Variants in GATB observed in about 807,000 individuals in gnomAD.
GATB encodes the protein glutamyl-tRNA amidotransferase subunit B.
Under a neutral mutation model 62.3 loss-of-function variants are expected in GATB, and 39 were observed. The ratio of observed to expected loss-of-function variants is 0.63; its 90% CI spans 0.48 to 0.82. GATB has a LOEUF of 0.82. Ranked by LOEUF, GATB falls within the 40% of genes least tolerant of loss-of-function variation. GATB has a pLI of 0.00. For synonymous variants in GATB, 276 were observed against 258.9 expected (o/e 1.07, Z -0.63); for missense variants, 670 against 684.0 (o/e 0.98, Z 0.23).
rs1560870186 is a variant in GATB at position 151,760,861 on chromosome 4, C to T, written c.122G>A (p.Gly41Glu). 6.2e-7 allele frequency: 1 copy of T among 1,613,980 alleles called. No individual in the cohort carries two copies. Among genetic ancestry groups the T allele is most frequent in the Non-Finnish European group, 8.5e-7 (1 of 1,179,940 alleles). Reference sequence around the variant, plus strand: ...GGGCTGCTGAGCCACTGAGCTCTCTCCCCTAATCTGGTTGGATGTGGACCC... The same window carrying T: ...GGGCTGCTGAGCCACTGAGCTCTCTTCCCTAATCTGGTTGGATGTGGACCC... The part of the protein sequence containing the change: ...PTGSTSNQIR[G>E]ESSVAQQPLH... Residue 41 changes from glycine (G) to glutamate (E), a missense_variant, in exon 1 of 13, where the codon GGA (glycine) becomes GAA (glutamate). Transcript: ENST00000263985.
rs906239354 is a variant in GATB at position 151,731,744 on chromosome 4, A to C, written c.328-12206T>G. Among the ~76,000 whole-genome samples, 17 of 149,620 alleles carry C rather than the reference A, an allele frequency of 1.1e-4. 1 individual carries two copies. The highest frequency in any genetic ancestry group is 4.2e-4 in the African/African-American group (17 of 40,022). ...GCCCCGCTGCCCCGTCTGGGATGTG[A>C]GGAGCGTCTCTGCCCGGCTGTGACC... On this transcript the variant is annotated intron_variant, in intron 2 of 12. Coordinates refer to ENST00000263985, the MANE Select transcript of GATB (RefSeq NM_004564.3).
Position 151,715,917 on chromosome 4 carries a change from A to C in GATB, c.763+92T>G, listed in dbSNP as rs1203101667. 2.1e-6 allele frequency: 3 copies of C among 1,433,332 alleles called. No individual in the cohort carries two copies. The African/African-American group carries it at 4.3e-5, about 21-fold the overall frequency. The allele number at this position is 1,433,332 out of a possible 1,614,324, so 88.8% of individuals were successfully genotyped here. On this transcript the variant is annotated intron_variant, in intron 5 of 12. Transcript: ENST00000263985. Reference sequence around the variant, plus strand: ...GAAAAAATGGCTGCAAACAACCTCAATATAATAGACAGAAAATAAAACTAA... The same window carrying C: ...GAAAAAATGGCTGCAAACAACCTCACTATAATAGACAGAAAATAAAACTAA...
intron 2 of GATB, among the ~76,000 whole-genome samples, chr4:151,731,344 T>C (rs779661354): frequency 1.6e-4 from 24 of 152,240 alleles, no homozygotes; most frequent in Non-Finnish European, 2.2e-4. Context: ...CTCCAGCTCC[T>C]AATCACAAGT....
chr4:151,708,494 T>A (rs1350984966), intron 5 of GATB, among the ~76,000 whole-genome samples: 1 of 152,206 alleles, frequency 6.6e-6, no homozygotes, highest in Admixed American at 6.5e-5. Flanking sequence ...GTGTCAGAGC[T>A]GAGTTGGAGG....
chr4:151,718,823 T>A (rs1179923492), intron 3 of GATB, among the ~76,000 whole-genome samples: 1 of 152,184 alleles, frequency 6.6e-6, no homozygotes, highest in Non-Finnish European at 1.5e-5. Flanking sequence ...TGGTGTGGCT[T>A]AAAGAAAAAA....
chr4:151,702,697 A>G (rs923513524), intron 8 of GATB, among the ~76,000 whole-genome samples: 1 of 152,180 alleles, frequency 6.6e-6, no homozygotes, highest in Non-Finnish European at 1.5e-5. Flanking sequence ...TAAGTGTCAA[A>G]GCTGCACCAT....
chr4:151,717,550 A>T (rs1055167235), intron 3 of GATB, among the ~76,000 whole-genome samples: 13 of 152,120 alleles, frequency 8.5e-5, no homozygotes, highest in African/African-American at 3.1e-4. Flanking sequence ...GTGTGTGTTT[A>T]AGCTTGTTTT....
intron 2 of GATB, among the ~76,000 whole-genome samples, chr4:151,749,545 T>C (rs1453618893): frequency 6.6e-6 from 1 of 151,824 alleles, no homozygotes; most frequent in African/African-American, 2.4e-5. Flanking sequence ...CATTAGGAGA[T>C]GTACCTAATG....
chr4:151,754,019 C>T (rs1432051378), intron 2 of GATB, among the ~76,000 whole-genome samples: 1 of 152,184 alleles, frequency 6.6e-6, no homozygotes, highest in Non-Finnish European at 1.5e-5. Context: ...ATCCAATGGG[C>T]ACTTCCTAGT....
In GATB at chr4:151,754,632, T is replaced by C. The variant is rs138409208; in HGVS notation, c.327+4140A>G. Among the ~76,000 whole-genome samples, 70 of 152,290 alleles carry C rather than the reference T, an allele frequency of 4.6e-4. 1 individual carries two copies. The highest frequency in any genetic ancestry group is 1.5e-3 in the African/African-American group (64 of 41,554). ...ACAGAAAGACTATACATTATAACAA[T>C]TGTTTTAAGTGACAATCCTAATTTT... On this transcript the variant is annotated intron_variant, in intron 2 of 12. Coordinates refer to ENST00000263985, the MANE Select transcript of GATB (RefSeq NM_004564.3).
At chr4:151,700,113 A>G (rs1366157395) in intron 9 of GATB, among the ~76,000 whole-genome samples, 5 of 152,208 alleles carry the variant, frequency 3.3e-5, no homozygotes, top group African/African-American at 1.2e-4. Flanking sequence ...ACCTAGGAAA[A>G]ATACATGAAT....
intron 2 of GATB, among the ~76,000 whole-genome samples, chr4:151,749,058 G>A (rs1191535117): frequency 2.0e-5 from 3 of 152,190 alleles, no homozygotes; most frequent in African/African-American, 4.8e-5. Context: ...TACACTGTTG[G>A]TAGGACTGTA....
intron 2 of GATB, among the ~76,000 whole-genome samples, chr4:151,728,189 A>T (rs1393227426): frequency 6.6e-6 from 1 of 152,208 alleles, no homozygotes; most frequent in Non-Finnish European, 1.5e-5. Context: ...GGCCAAAAAA[A>T]GCTCCCATGT....
At chr4:151,732,541 C>A (rs865791329) in intron 2 of GATB, among the ~76,000 whole-genome samples, 21 of 152,006 alleles carry the variant, frequency 1.4e-4, no homozygotes, top group Middle Eastern at 3.4e-3. Context: ...AGAGTCATCA[C>A]CACTCCCTAA....
intron 2 of GATB, chr4:151,721,124 G>C (rs1188496422): frequency 6.6e-6 from 1 of 152,320 alleles, no homozygotes; most frequent in Admixed American, 6.5e-5. Context: ...TGTAGTCCCA[G>C]TTACTTGGGA....
At chr4:151,703,381 T>G (rs1295542981) in intron 8 of GATB, 1 of 159,888 alleles carries the variant, frequency 6.3e-6, no homozygotes, top group Non-Finnish European at 1.4e-5. Flanking sequence ...GGGTCTCATA[T>G]TAAGTAGTTC....
At chr4:151,694,190 C>G (rs1290665854) in intron 9 of GATB, among the ~76,000 whole-genome samples, 1 of 152,214 alleles carries the variant, frequency 6.6e-6, no homozygotes, top group Non-Finnish European at 1.5e-5. Context: ...CCTCCAAGAT[C>G]TGCCTGAAAC....
intron 6 of GATB, among the ~76,000 whole-genome samples, chr4:151,706,559 ACAGTT>A (rs944068322): frequency 2.0e-5 from 3 of 152,156 alleles, no homozygotes; most frequent in Non-Finnish European, 4.4e-5. Flanking sequence ...CGGATGCAGA[ACAGTT>A]CACCATCTTT....
In GATB at chr4:151,739,734, A is replaced by G. The variant is rs143939275; in HGVS notation, c.327+19038T>C. Among the ~76,000 whole-genome samples the G allele has an allele frequency of 1.6e-3, 248 of 152,330 alleles. 1 individual carries two copies. The highest frequency in any genetic ancestry group is 5.9e-3 in the African/African-American group (245 of 41,584). On this transcript the variant is annotated intron_variant, in intron 2 of 12. Transcript: ENST00000263985. ...CCCTGCCCCTAGGTTTCCATGTGAC[A>G]GGACTTTGCTTTCTACTCTGTATTC...
Sources: gnomAD v4.1 joint callset for allele counts (sites outside exome capture counted in the v4.1 genomes callset) on GRCh38, gnomAD v4.1.1 for gene constraint, MANE v1.5 for transcripts, NCBI Gene and HGNC (gene_info 2026-07-23, HGNC 2026-07-21) for gene names.